ZNF75D: variants seen among roughly 807,000 people sequenced by gnomAD.
ZNF75D encodes the protein zinc finger protein 75D.
ZNF75D carries 33 observed loss-of-function variants against 33.3 expected under a neutral mutation model. The ratio of observed to expected loss-of-function variants is 0.99; its 90% CI spans 0.75 to 1.32. ZNF75D has a LOEUF of 1.32. Among genes scored for constraint, ZNF75D ranks in the 40% most tolerant of loss-of-function variants. The probability of loss-of-function intolerance (pLI) is 0.00; values close to 1 mark genes in which losing one functional copy is unlikely to be tolerated. For synonymous variants in ZNF75D, 113 were observed against 130.6 expected (o/e 0.87, Z 0.92); for missense variants, 338 against 367.5 (o/e 0.92, Z 0.66).
chrX:135,315,646 T>C (rs2084411236), intron 1 of ZNF75D, among the ~76,000 whole-genome samples: 2 of 111,642 alleles, frequency 1.8e-5, no homozygotes. Flanking sequence ...AGAATTGGTA[T>C]TTCTTCTTGC....
chrX:135,296,942 T>C (rs1331595272), intron 1 of ZNF75D: 2 of 112,102 alleles, frequency 1.8e-5, no homozygotes, highest in Admixed American at 1.9e-4. Flanking sequence ...TCCATCTTTA[T>C]CTCCTGCAGT....
At chrX:135,323,862 G>C (rs2084527572) in intron 1 of ZNF75D, among the ~76,000 whole-genome samples, 1 of 111,224 alleles carries the variant, frequency 9.0e-6, no homozygotes, top group African/African-American at 3.3e-5. Flanking sequence ...CTAGCAGAAG[G>C]CAGCTCAAAG....
At chrX:135,275,485 G>T (rs1443616016) in intron 1 of ZNF75D, among the ~76,000 whole-genome samples, 4 of 111,036 alleles carry the variant, frequency 3.6e-5, no homozygotes, top group South Asian at 3.8e-4. Context: ...TCATTGTGTG[G>T]TTTTTTTGGG....
At chrX:135,269,707 A>G (rs1436891953) in intron 1 of ZNF75D, among the ~76,000 whole-genome samples, 3 of 111,603 alleles carry the variant, frequency 2.7e-5, no homozygotes, top group African/African-American at 6.5e-5. Flanking sequence ...AAAATACTAA[A>G]AATAGAGCTA....
chrX:135,249,400 T>C, intron 3 of ZNF75D: 1 of 239,347 alleles, frequency 4.2e-6, no homozygotes, highest in South Asian at 4.4e-5. Context: ...CATGCGTGCA[T>C]GTGCACACAC....
At chrX:135,308,001 A>G (rs187500050) in intron 1 of ZNF75D, among the ~76,000 whole-genome samples, 1 of 112,734 alleles carries the variant, frequency 8.9e-6, no homozygotes, top group African/African-American at 3.2e-5. Context: ...TGCACAAGCC[A>G]GGGACAAGCT....
chrX:135,281,401 G>A (rs185661054), downstream of ZNF75D, among the ~76,000 whole-genome samples: 60 of 109,887 alleles, frequency 5.5e-4, no homozygotes, highest in Middle Eastern at 4.6e-3. Flanking sequence ...TTTTTTCAAC[G>A]TTCTTAGCTT....
intron 1 of ZNF75D, among the ~76,000 whole-genome samples, chrX:135,311,134 T>C (rs782463174): frequency 6.5e-4 from 73 of 112,521 alleles, no homozygotes; most frequent in Admixed American, 6.5e-3. Context: ...AGGGAGCATA[T>C]CTGATGAGAG....
intron 1 of ZNF75D, among the ~76,000 whole-genome samples, chrX:135,309,963 C>T (rs1556427198): frequency 1.8e-5 from 2 of 111,882 alleles, no homozygotes. Flanking sequence ...CTGAAAAACA[C>T]TGCGAAGTCG....
At position 135,290,919 on chromosome X, in the gene ZNF75D, G is replaced by C. The variant is rs150374850; in HGVS notation, c.823+90C>G. On this transcript the variant is annotated intron_variant, in intron 6 of 6. Transcript: ENST00000370766. The stretch of plus-strand genomic sequence containing the variant: ...TGAGAATCAATCAGCTGTTGGAACA[G>C]TGGGACTCTCTCACAGGGGTGCATT... The C allele has an allele frequency of 1.2e-3, 1,081 of 868,481 alleles. 6 individuals carry two copies. The East Asian group carries it at 0.033, about 26-fold the overall frequency. The allele number at this position is 868,481 out of a possible 1,213,427, so 71.6% of individuals were successfully genotyped here.
intron 1 of ZNF75D, 56 bp downstream of exon 1, chrX:135,341,712 G>A (rs2084787591): frequency 1.8e-5 from 2 of 112,276 alleles, no homozygotes; most frequent in African/African-American, 6.5e-5. Context: ...GAGATTGCAA[G>A]AGATTAGTAA....
intron 1 of ZNF75D, among the ~76,000 whole-genome samples, chrX:135,307,395 TA>T (rs1455115711): frequency 1.8e-5 from 2 of 111,067 alleles, no homozygotes; most frequent in African/African-American, 6.6e-5. Context: ...CATCTCCTCA[TA>T]ACAGTCATTT....
intron 1 of ZNF75D, among the ~76,000 whole-genome samples, chrX:135,264,969 C>A (rs11096424): frequency 8.9e-6 from 1 of 112,046 alleles, no homozygotes; most frequent in African/African-American, 3.2e-5. Flanking sequence ...GCCTGTAATC[C>A]CAGCACTTTG....
chrX:135,290,753 T>C (rs1556420999), intron 6 of ZNF75D, among the ~76,000 whole-genome samples: 1 of 112,195 alleles, frequency 8.9e-6, no homozygotes, highest in African/African-American at 3.2e-5. Flanking sequence ...TAGAGAAGGG[T>C]GTGTTTGGAT....
intron 1 of ZNF75D, chrX:135,298,479 A>G (rs782565230): frequency 3.8e-4 from 42 of 111,411 alleles, no homozygotes; most frequent in African/African-American, 1.2e-3. Flanking sequence ...ATCTACTCTG[A>G]ACAGTTTCAG....
chrX:135,268,404 A>G (rs2083870562), intron 1 of ZNF75D, among the ~76,000 whole-genome samples: 1 of 109,536 alleles, frequency 9.1e-6, no homozygotes, highest in Non-Finnish European at 1.9e-5. Flanking sequence ...TAAATTTATG[A>G]AAGTTGCACA....
intron 1 of ZNF75D, among the ~76,000 whole-genome samples, chrX:135,319,898 A>G (rs1217166695): frequency 2.7e-5 from 3 of 112,720 alleles, no homozygotes; most frequent in African/African-American, 9.7e-5. Flanking sequence ...TTAATATTCT[A>G]CCTACTGTTT....
chrX:135,315,763 G>T (rs2084412570), intron 1 of ZNF75D, among the ~76,000 whole-genome samples: 1 of 109,679 alleles, frequency 9.1e-6, no homozygotes, highest in African/African-American at 3.3e-5. Flanking sequence ...CTGGCTTTTG[G>T]TTTCCATTAG....
At chrX:135,328,331 T>C (rs2084607618) in intron 1 of ZNF75D, among the ~76,000 whole-genome samples, 2 of 111,339 alleles carry the variant, frequency 1.8e-5, no homozygotes, top group Admixed American at 9.4e-5. Context: ...GGTAGAACCA[T>C]GTAAAGACCC....
Sources: allele counts gnomAD v4.1 joint callset (sites outside exome capture counted in the v4.1 genomes callset), GRCh38; gene constraint gnomAD v4.1.1; transcripts MANE v1.5; gene names NCBI Gene and HGNC (gene_info 2026-07-23, HGNC 2026-07-21).